The following PWWP2A variants were observed in gnomAD, a reference collection of about 807,000 sequenced individuals.
PWWP2A encodes the protein PWWP domain-containing protein 2A.
Under a neutral mutation model 48.5 loss-of-function variants are expected in PWWP2A, and 18 were observed. The ratio of observed to expected loss-of-function variants is 0.37; its 90% confidence interval spans 0.26 to 0.55. The LOEUF is 0.55. PWWP2A is among the 20% of genes least tolerant of loss of function. The probability of loss-of-function intolerance (pLI) is 0.81; values close to 1 mark genes in which losing one functional copy is unlikely to be tolerated. For missense variants in PWWP2A, 867 were observed against 976.4 expected (o/e 0.89, Z 1.49); for synonymous variants, 396 against 387.7 (o/e 1.02, Z -0.25).
intron 1 of PWWP2A, among the ~76,000 whole-genome samples, chr5:160,113,915 C>T (rs953506085): frequency 1.3e-5 from 2 of 152,030 alleles, no homozygotes; most frequent in African/African-American, 2.4e-5. Flanking sequence ...GATCAACCTA[C>T]ATCTGAATCT....
intron 4 of PWWP2A, chr5:160,065,500 C>CATTTCCTG: frequency 2.3e-6 from 1 of 431,544 alleles, no homozygotes; most frequent in South Asian, 1.7e-5. Context: ...CTGCCTCCAG[C>CATTTCCTG]ATTTCCTGAT....
At chr5:160,066,949 T>C (rs894612198) in intron 2 of PWWP2A, 11 of 152,010 alleles carry the variant, frequency 7.2e-5, no homozygotes, top group East Asian at 1.9e-4. Flanking sequence ...GGCAGGAGGA[T>C]TGATTGCTTG....
chr5:160,067,249 TA>T (rs1461139411), intron 2 of PWWP2A, among the ~76,000 whole-genome samples: 1 of 152,144 alleles, frequency 6.6e-6, no homozygotes, highest in Non-Finnish European at 1.5e-5. Flanking sequence ...ATAGACTCTT[TA>T]ATTTTGTATT....
At chr5:160,064,808 G>T in intron 4 of PWWP2A, 1 of 1,024,822 alleles carries the variant, frequency 9.8e-7, no homozygotes, top group South Asian at 1.7e-5. Flanking sequence ...TTAAAAGTAG[G>T]CATTTCTTTA....
In PWWP2A at chr5:160,093,988, T is replaced by C. The variant is rs1345265286; in HGVS notation, c.662A>G (p.Gln221Arg). Residue 221 changes from glutamine to arginine, a missense_variant, in exon 2 of 2, where the codon CAA becomes CGA. Physicochemically the swap from Gln to Arg is conservative, Grantham distance 43. Transcript: ENST00000307063. This position sits in a 1 kb window ranked among gnomAD's most constrained non-coding sequence, Gnocchi z 5.8. ...TGTCCCTTCTTGGAATGTATTACTT[T>C]GGAGCGGCATGGCTTCTGGTTTATC... ...YKDKPEAMPL[Q>R]SNTFQEGTEV... is the part of the protein sequence containing the mutation. The C allele has an allele frequency of 6.2e-7, 1 of 1,614,024 alleles. No homozygotes were observed. The highest frequency in any genetic ancestry group is 1.7e-5 in the Admixed American group (1 of 60,014).
chr5:160,055,277 GA>G, the PWWP2A span, among the ~76,000 whole-genome samples: 1 of 152,154 alleles, frequency 6.6e-6, no homozygotes, highest in Non-Finnish European at 1.5e-5. Context: ...GTTCTTCCTT[GA>G]TCTGTCATCT....
At chr5:160,096,579 T>C (rs73311159) in intron 1 of PWWP2A, among the ~76,000 whole-genome samples, 1,944 of 152,322 alleles carry the variant, frequency 0.013, 48 homozygotes, top group African/African-American at 0.044. Context: ...CCCCATCACA[T>C]GTTCACGTTT....
the PWWP2A span, among the ~76,000 whole-genome samples, chr5:160,055,713 A>C: frequency 6.6e-6 from 1 of 152,242 alleles, no homozygotes; most frequent in Non-Finnish European, 1.5e-5. Flanking sequence ...CGGAGTATAG[A>C]GGCAGCTCAG....
chr5:160,049,384 C>A, the PWWP2A span: 1 of 800,030 alleles, frequency 1.2e-6, no homozygotes, highest in Non-Finnish European at 1.8e-6. Flanking sequence ...TTTCCAGCAT[C>A]AGGTATACAC....
chr5:160,072,519 G>A (rs1561647418), downstream of PWWP2A, among the ~76,000 whole-genome samples: 1 of 152,184 alleles, frequency 6.6e-6, no homozygotes, highest in South Asian at 2.1e-4. Context: ...CTTTCGCCCA[G>A]GAGTTTAGAA....
At chr5:160,052,057 G>T in the PWWP2A span, among the ~76,000 whole-genome samples, 1 of 152,216 alleles carries the variant, frequency 6.6e-6, no homozygotes, top group Admixed American at 6.5e-5. Flanking sequence ...TGATTGAGAG[G>T]AGGCCATTAA....
chr5:160,079,555 G>C lies in PWWP2A; in HGVS notation c.1669+1096C>G, dbSNP rs570229414. Among the ~76,000 whole-genome samples the C allele has an allele frequency of 5.9e-5, 9 of 152,244 alleles. No homozygotes were observed. The East Asian group carries it at 1.7e-3, about 29-fold the overall frequency. ...ATACTAATAGATTAAGGCTCACACAGAACTTTGGAAGCAAATGTTCCCATT... is the reference window on the plus strand; with the variant it reads ...ATACTAATAGATTAAGGCTCACACACAACTTTGGAAGCAAATGTTCCCATT... On this transcript the variant is annotated intron_variant, in intron 3 of 3. Transcript: ENST00000456329.
chr5:160,100,068 A>C (rs1244995735), intron 1 of PWWP2A, among the ~76,000 whole-genome samples: 2 of 152,032 alleles, frequency 1.3e-5, no homozygotes, highest in South Asian at 4.1e-4. Flanking sequence ...TGGGAGGCCA[A>C]GGCAGGCGGA....
At chr5:160,065,485 C>A (rs1426768643) in intron 4 of PWWP2A, 10 of 446,060 alleles carry the variant, frequency 2.2e-5, no homozygotes, top group Non-Finnish European at 3.6e-5. Flanking sequence ...ACACAGCTAA[C>A]GAGGCTGCCT....
In PWWP2A at chr5:160,092,471, G is replaced by C. The variant is rs1216853527; in HGVS notation, c.2179C>G (p.Leu727Val). The C allele has an allele frequency of 1.3e-6, 2 of 1,551,538 alleles. No homozygotes were observed. Among genetic ancestry groups the C allele is most frequent in the African/African-American group, 1.4e-5 (1 of 73,034 alleles). Reference sequence around the variant, plus strand: ...GCCTCTGTGATAGCCTTGCGATACAGGCCCTTTCTCTTCTTATTAAAGCGT... The same window carrying C: ...GCCTCTGTGATAGCCTTGCGATACACGCCCTTTCTCTTCTTATTAAAGCGT... The part of the protein sequence containing the change: ...QSRFNKKRKG[L>V]YRKAITEAAK... Residue 727 changes from leucine to valine, a missense_variant, in exon 2 of 2, where the codon CTG (leucine) becomes GTG (valine). By Grantham distance (32) the Leu-to-Val change is conservative. Transcript: ENST00000307063.
chr5:160,060,990 G>A (rs1304415495), downstream of PWWP2A, among the ~76,000 whole-genome samples: 4 of 152,196 alleles, frequency 2.6e-5, no homozygotes, highest in Admixed American at 2.0e-4. Flanking sequence ...CTCCCCTTCT[G>A]GTTCATTCTT....
chr5:160,074,945 T>TAA (rs5872627), downstream of PWWP2A, among the ~76,000 whole-genome samples: 956 of 149,060 alleles, frequency 6.4e-3, 5 homozygotes, highest in Non-Finnish European at 8.3e-3. Flanking sequence ...TTATTTAAAT[T>TAA]AAAAAAAAAA....
Position 160,092,123 on chromosome 5 carries a change from C to T in PWWP2A, c.*259G>A, listed in dbSNP as rs1042226564. Reference sequence around the variant, plus strand: ...AATTCAATTTCAGTTGAGGCTATGGCTCCTATGCCTTGGGATGGTTTCGAA... The same window carrying T: ...AATTCAATTTCAGTTGAGGCTATGGTTCCTATGCCTTGGGATGGTTTCGAA... On this transcript the variant is annotated 3_prime_UTR_variant, in exon 2 of 2. Coordinates refer to ENST00000307063, the MANE Select transcript of PWWP2A (RefSeq NM_001130864.2). The T allele has an allele frequency of 6.7e-6, 8 of 1,194,516 alleles. No homozygotes were observed. Among genetic ancestry groups the T allele is most frequent in the Admixed American group, 8.3e-5 (2 of 24,214 alleles). 74.0% of individuals were successfully genotyped at this position (1,194,516 alleles called of 1,614,324 possible).
chr5:160,056,028 G>A, the PWWP2A span, among the ~76,000 whole-genome samples: 1 of 152,204 alleles, frequency 6.6e-6, no homozygotes, highest in Non-Finnish European at 1.5e-5. Flanking sequence ...GCTGGGTAGG[G>A]ACTAGGTCCC....
Sources: gnomAD v4.1 joint callset for allele counts (sites outside exome capture counted in the v4.1 genomes callset) on GRCh38, gnomAD v4.1.1 for gene constraint, Gnocchi (gnomAD v3.1) non-coding constraint, MANE v1.5 for transcripts, NCBI Gene and HGNC (gene_info 2026-07-23, HGNC 2026-07-21) for gene names.